Variants in TMEM50A observed in about 807,000 individuals in gnomAD.
TMEM50A encodes the protein transmembrane protein 50A, also known as cervical cancer oncogene 9.
Under a neutral mutation model 23.9 loss-of-function variants are expected in TMEM50A, and 8 were observed. The ratio of observed to expected loss-of-function variants is 0.33; its 90% CI spans 0.20 to 0.60. The LOEUF is 0.60. Ranked by LOEUF, TMEM50A falls within the 20% of genes least tolerant of loss-of-function variation. The pLI is 0.81. For missense variants in TMEM50A, 178 were observed against 192.7 expected (o/e 0.92, Z 0.45); for synonymous variants, 55 against 60.4 (o/e 0.91, Z 0.41).
chr1:25,342,428 A>T (rs1048159214), intron 2 of TMEM50A, among the ~76,000 whole-genome samples: 2 of 152,240 alleles, frequency 1.3e-5, no homozygotes, highest in African/African-American at 4.8e-5. Flanking sequence ...TGGTGTTTAA[A>T]TTAAATTTAA....
intron 3 of TMEM50A, among the ~76,000 whole-genome samples, chr1:25,345,318 C>T (rs12063842): frequency 0.024 from 3,594 of 152,266 alleles, 140 homozygotes; most frequent in African/African-American, 0.081. Flanking sequence ...CAATGGCTCA[C>T]GCCTGTAATC....
chr1:25,352,771 T>G (rs928664419), intron 4 of TMEM50A, 111 bp from the exon 5 acceptor site: 15 of 899,790 alleles, frequency 1.7e-5, no homozygotes, highest in African/African-American at 3.4e-5. Context: ...CACGTTAGAC[T>G]TTAATGGCAG....
intron 3 of TMEM50A, among the ~76,000 whole-genome samples, chr1:25,345,377 G>A (rs541950230): frequency 3.3e-5 from 5 of 152,136 alleles, no homozygotes; most frequent in Non-Finnish European, 5.9e-5. Flanking sequence ...TCAGGAGATC[G>A]AGACCATCCT....
chr1:25,346,744 C>T (rs918725530), intron 3 of TMEM50A, among the ~76,000 whole-genome samples: 2 of 152,036 alleles, frequency 1.3e-5, no homozygotes, highest in Non-Finnish European at 2.9e-5. Flanking sequence ...TCTGGCCAGG[C>T]ATGGTGGCTC....
At chr1:25,353,525 C>G (rs1454452291) in intron 5 of TMEM50A, among the ~76,000 whole-genome samples, 1 of 152,210 alleles carries the variant, frequency 6.6e-6, no homozygotes, top group East Asian at 1.9e-4. Context: ...CAAGCCTGGC[C>G]TAACAAGTTC....
At chr1:25,360,363 A>AT (rs1645386428) in intron 6 of TMEM50A, among the ~76,000 whole-genome samples, 1 of 152,106 alleles carries the variant, frequency 6.6e-6, no homozygotes, top group Non-Finnish European at 1.5e-5. Flanking sequence ...AAAAAAAAAA[A>AT]AATCAGACAT....
At position 25,341,393 on chromosome 1, in the gene TMEM50A, G is replaced by T. The variant is rs3093646; in HGVS notation, c.93+814G>T. ...CCTGCTTCAGCCTCCCGAGTAGCTGGGACTACAGGCGCCCGCCACTGCGCC... is the reference window on the plus strand; with the variant it reads ...CCTGCTTCAGCCTCCCGAGTAGCTGTGACTACAGGCGCCCGCCACTGCGCC... On this transcript the variant is annotated intron_variant, in intron 2 of 6. Coordinates refer to ENST00000374358, the MANE Select transcript of TMEM50A (RefSeq NM_014313.4). 1.9e-3 allele frequency among the ~76,000 whole-genome samples: 293 copies of T among 152,186 alleles called. 2 individuals carry two copies. The highest frequency in any genetic ancestry group is 1.7e-3 in the Non-Finnish European group (113 of 67,994).
intron 2 of TMEM50A, chr1:25,342,521 T>C (rs1017683353): frequency 6.5e-6 from 1 of 152,846 alleles, no homozygotes; most frequent in Non-Finnish European, 1.5e-5. Flanking sequence ...ACCAAGAAGA[T>C]AGCTAAAATT....
chr1:25,357,609 A>AGTGTGTGT (rs60773283), intron 6 of TMEM50A, among the ~76,000 whole-genome samples: 2,450 of 111,484 alleles, frequency 0.022, 82 homozygotes, highest in African/African-American at 0.058. Flanking sequence ...TCTCTCACCC[A>AGTGTGTGT]GTGTGTGTGT....
intron 3 of TMEM50A, 39 bp downstream of exon 3, chr1:25,343,112 C>A: frequency 2.0e-6 from 3 of 1,475,080 alleles, no homozygotes; most frequent in Non-Finnish European, 2.8e-6. Flanking sequence ...ACATAGCTTG[C>A]CACAAAATAA....
intron 3 of TMEM50A, among the ~76,000 whole-genome samples, chr1:25,349,690 A>C (rs558446115): frequency 1.3e-5 from 2 of 152,348 alleles, no homozygotes; most frequent in South Asian, 4.1e-4. Flanking sequence ...CCCGGGCTTA[A>C]GCAATCCTCC....
chr1:25,341,309 G>A (rs191576067), intron 2 of TMEM50A, among the ~76,000 whole-genome samples: 147 of 151,972 alleles, frequency 9.7e-4, no homozygotes, highest in African/African-American at 3.2e-3. Context: ...CCAGGCTGGC[G>A]TGCAGTGGCG....
At chr1:25,360,095 A>G (rs1209604818) in intron 6 of TMEM50A, among the ~76,000 whole-genome samples, 3 of 152,182 alleles carry the variant, frequency 2.0e-5, no homozygotes, top group African/African-American at 7.2e-5. Flanking sequence ...CACGCCTGTA[A>G]TCCCAGCACT....
At chr1:25,355,398 G>C (rs1025747194) in intron 5 of TMEM50A, among the ~76,000 whole-genome samples, 3 of 152,072 alleles carry the variant, frequency 2.0e-5, no homozygotes, top group African/African-American at 7.2e-5. Context: ...GAATATAAAA[G>C]AACTCAAAAG....
chr1:25,350,152 A>G (rs963693555), intron 3 of TMEM50A, among the ~76,000 whole-genome samples: 2 of 152,218 alleles, frequency 1.3e-5, no homozygotes, highest in African/African-American at 2.4e-5. Flanking sequence ...GTATTGTTTG[A>G]AATATAATTA....
chr1:25,360,529 C>T, intron 6 of TMEM50A, 131 bp from the exon 7 acceptor site: 1 of 902,330 alleles, frequency 1.1e-6, no homozygotes, highest in Non-Finnish European at 1.7e-6. Flanking sequence ...TGTTTTGATA[C>T]ATTTCGTACC....
At chr1:25,342,088 G>A (rs993892204) in intron 2 of TMEM50A, among the ~76,000 whole-genome samples, 2 of 152,156 alleles carry the variant, frequency 1.3e-5, no homozygotes, top group Non-Finnish European at 2.9e-5. Flanking sequence ...ATGTACTCAT[G>A]CTAGCCATTA....
chr1:25,356,711 A>G (rs533356076), intron 5 of TMEM50A, 82 bp from the exon 6 acceptor site: 1 of 1,019,592 alleles, frequency 9.8e-7, no homozygotes, highest in African/African-American at 1.7e-5. Flanking sequence ...TCTTCTAGGC[A>G]GGAAAACTGG....
At position 25,361,991 on chromosome 1, in the gene TMEM50A, T is replaced by A. The variant is rs551912872; in HGVS notation, c.*1286T>A. 57 of 180,008 alleles carry A rather than the reference T, an allele frequency of 3.2e-4. 1 individual carries two copies. In the South Asian group the frequency reaches 6.4e-3, roughly 20 times the overall value. 11.2% of individuals were successfully genotyped at this position (180,008 alleles called of 1,614,324 possible). On this transcript the variant is annotated 3_prime_UTR_variant, in exon 7 of 7. Coordinates refer to ENST00000374358, the MANE Select transcript of TMEM50A (RefSeq NM_014313.4). ...GACTTCCTCACGGTCACAGAACTAG[T>A]TTTTTAATCCTCAGGCAGTGCATCC... is the stretch of plus-strand genomic sequence containing the variant.
Sources: gnomAD v4.1 joint callset for allele counts (sites outside exome capture counted in the v4.1 genomes callset) on GRCh38, gnomAD v4.1.1 for gene constraint, MANE v1.5 for transcripts, NCBI Gene and HGNC (gene_info 2026-07-23, HGNC 2026-07-21) for gene names.